The following TBC1D8 variants were observed in gnomAD, a reference collection of about 807,000 sequenced individuals.
TBC1D8 encodes the protein BUB2-like protein 1.
TBC1D8 carries 65 observed loss-of-function variants against 118.8 expected under a neutral mutation model. That is an observed-to-expected ratio of 0.55 (90% CI 0.45 to 0.67). The LOEUF (loss-of-function observed/expected upper bound fraction) is 0.67. TBC1D8 is among the 30% of genes least tolerant of loss of function. The pLI is 0.00. For synonymous variants in TBC1D8, 566 were observed against 595.8 expected (o/e 0.95, Z 0.73); for missense variants, 1,376 against 1,471.2 (o/e 0.94, Z 1.06).
intron 1 of TBC1D8, among the ~76,000 whole-genome samples, chr2:101,111,231 G>A (rs7574066): frequency 0.48 from 73,568 of 152,036 alleles, 18,001 homozygotes; most frequent in East Asian, 0.62. Flanking sequence ...CTTAATGAGA[G>A]CTCTTATGAT....
intron 1 of TBC1D8, among the ~76,000 whole-genome samples, chr2:101,092,330 T>C (rs1353041194): frequency 1.3e-5 from 2 of 152,114 alleles, no homozygotes; most frequent in Non-Finnish European, 2.9e-5. Flanking sequence ...TTTCACCACA[T>C]CCTATCAGGT....
chr2:101,150,989 C>T, intron 1 of TBC1D8, 138 bp downstream of exon 1: 1 of 593,616 alleles, frequency 1.7e-6, no homozygotes, highest in Non-Finnish European at 2.1e-6. Flanking sequence ...GGAAAACAAG[C>T]CCGCGGCAGG....
At chr2:101,038,701 A>G (rs891788934) in intron 6 of TBC1D8, 46 bp from the exon 7 acceptor site, 2 of 1,601,866 alleles carry the variant, frequency 1.2e-6, no homozygotes, top group Non-Finnish European at 8.5e-7. Context: ...GGAGGAAGGT[A>G]GGCATGTTAT....
chr2:101,111,874 A>T (rs1574054115), intron 1 of TBC1D8, among the ~76,000 whole-genome samples: 1 of 151,938 alleles, frequency 6.6e-6, no homozygotes, highest in African/African-American at 2.4e-5. Flanking sequence ...TACATTTAAC[A>T]GTGGTTACAA....
chr2:101,048,191 G>C (rs1681829152), intron 5 of TBC1D8, among the ~76,000 whole-genome samples: 1 of 152,120 alleles, frequency 6.6e-6, no homozygotes, highest in Non-Finnish European at 1.5e-5. Flanking sequence ...GTTGCTTCGG[G>C]GCTTCCTGCA....
At chr2:101,084,528 G>A (rs1485467124) in intron 2 of TBC1D8, among the ~76,000 whole-genome samples, 1 of 152,094 alleles carries the variant, frequency 6.6e-6, no homozygotes, top group Non-Finnish European at 1.5e-5. Context: ...CCTAGCCTGG[G>A]CAACAAAGTG....
intron 2 of TBC1D8, among the ~76,000 whole-genome samples, chr2:101,066,042 G>A (rs1383553396): frequency 6.6e-6 from 1 of 152,174 alleles, no homozygotes; most frequent in Non-Finnish European, 1.5e-5. Flanking sequence ...AACACTTTGG[G>A]AGGCCGAGGC....
intron 4 of TBC1D8, among the ~76,000 whole-genome samples, chr2:101,051,943 G>A (rs570741756): frequency 6.6e-6 from 1 of 152,334 alleles, no homozygotes; most frequent in Non-Finnish European, 1.5e-5. Flanking sequence ...TGTTCTAATG[G>A]TTTTCTTAAA....
At chr2:101,138,810 C>T (rs191348956) in intron 1 of TBC1D8, among the ~76,000 whole-genome samples, 2 of 152,128 alleles carry the variant, frequency 1.3e-5, no homozygotes, top group Admixed American at 6.5e-5. Flanking sequence ...GCTTCACCAC[C>T]ACCACCTGAG....
At chr2:101,140,957 T>C (rs1026839898) in intron 1 of TBC1D8, among the ~76,000 whole-genome samples, 1 of 152,064 alleles carries the variant, frequency 6.6e-6, no homozygotes. Context: ...AGACGGGGTT[T>C]CACCACGTTG....
chr2:101,107,558 C>A (rs1006033536), intron 1 of TBC1D8, among the ~76,000 whole-genome samples: 4 of 152,128 alleles, frequency 2.6e-5, no homozygotes, highest in Admixed American at 2.6e-4. Flanking sequence ...AGAGTAAATT[C>A]ACACAGATGT....
chr2:101,130,249 G>A (rs536737195), intron 1 of TBC1D8, among the ~76,000 whole-genome samples: 22 of 152,358 alleles, frequency 1.4e-4, no homozygotes, highest in South Asian at 4.1e-4. Flanking sequence ...GGGAGTGAGA[G>A]CCGAGGAGGC....
At chr2:101,142,181 C>A (rs1436934734) in intron 1 of TBC1D8, among the ~76,000 whole-genome samples, 1 of 152,100 alleles carries the variant, frequency 6.6e-6, no homozygotes, top group East Asian at 1.9e-4. Context: ...GGATTATAGG[C>A]ATGCACCACC....
intron 17 of TBC1D8, chr2:101,018,949 G>A (rs778075128): frequency 6.3e-7 from 1 of 1,599,978 alleles, no homozygotes; most frequent in Non-Finnish European, 8.5e-7. Flanking sequence ...CTCTTCGTCT[G>A]TGTGTTACCT....
chr2:101,143,057 C>T (rs2104282062), intron 1 of TBC1D8, among the ~76,000 whole-genome samples: 1 of 117,902 alleles, frequency 8.5e-6, no homozygotes, highest in South Asian at 2.8e-4. Context: ...ATTTTTCTTT[C>T]CTTTCCTTTT....
chr2:101,038,637 T>G lies in TBC1D8; in HGVS notation c.1099A>C (p.Met367Leu). 6.2e-7 allele frequency: 1 copy of G among 1,613,898 alleles called. No homozygotes were observed. The change falls in exon 7 of 20, where the codon ATG becomes CTG. Residue 367 changes from methionine (M) to leucine (L), a missense_variant. Transcript: ENST00000409318. ...TGCGGCAGCAGGCTCGTGTCCTCCA[T>G]CTTCTCGATGCTCACCACCTGCGCG... ...PLREVVSIEK[M>L]EDTSLLPHPI...
chr2:101,147,384 C>T (rs1395629607), intron 1 of TBC1D8, among the ~76,000 whole-genome samples: 1 of 152,130 alleles, frequency 6.6e-6, no homozygotes, highest in African/African-American at 2.4e-5. Context: ...TTTTTGAAGA[C>T]CCTCCATACT....
At position 101,022,505 on chromosome 2, in the gene TBC1D8, CTCA is replaced by C; in HGVS notation, c.2534_2536del (p.Met845del). The C allele has an allele frequency of 6.3e-7, 1 of 1,595,342 alleles. No individual in the cohort carries two copies. Among genetic ancestry groups the C allele is most frequent in the Non-Finnish European group, 8.5e-7 (1 of 1,175,162 alleles). ...GGGCCTGGGCTGCTCCCAGTAACAG[CTCA>C]TCATATGTTCTCTCTTCAAACAAGA... On this transcript the variant is annotated inframe_deletion, in exon 16 of 20. Transcript: ENST00000409318.
chr2:101,010,338 A>G (rs1178426164), intron 19 of TBC1D8, among the ~76,000 whole-genome samples: 2 of 152,192 alleles, frequency 1.3e-5, no homozygotes, highest in African/African-American at 4.8e-5. Context: ...CTGTATCCAC[A>G]GTGGCCCCAA....
Sources: allele counts gnomAD v4.1 joint callset (sites outside exome capture counted in the v4.1 genomes callset), GRCh38; gene constraint gnomAD v4.1.1; transcripts MANE v1.5; gene names NCBI Gene and HGNC (gene_info 2026-07-23, HGNC 2026-07-21).